The following PCDHA8 variants were observed in gnomAD, a reference collection of about 807,000 sequenced individuals.
The protein encoded by PCDHA8 is protocadherin alpha-8.
PCDHA8 carries 53 observed loss-of-function variants against 61.8 expected under a neutral mutation model. The ratio of observed to expected loss-of-function variants is 0.86; its 90% CI spans 0.69 to 1.08. The LOEUF (loss-of-function observed/expected upper bound fraction) is 1.08, where lower values mean the gene tolerates loss of function less well. Ranked by LOEUF, PCDHA8 falls within the 50% of genes least tolerant of loss-of-function variation. PCDHA8 has a pLI of 0.00. For missense variants in PCDHA8, 1,293 were observed against 1,245.0 expected, an observed-to-expected ratio of 1.04 and a Z score of -0.58; for synonymous variants, 618 against 556.6, an observed-to-expected ratio of 1.11 and a Z score of -1.55.
At chr5:140,870,390 G>T (rs377600629) in intron 1 of PCDHA8, 248 of 1,614,112 alleles carry the variant, frequency 1.5e-4, no homozygotes, top group Non-Finnish European at 1.8e-4. Context: ...CGCGGGATGG[G>T]GGTTCGCCTT....
At position 140,917,487 on chromosome 5, in the gene PCDHA8, A is replaced by T. The variant is rs1303002890; in HGVS notation, c.2395-61462A>T. Among the ~76,000 whole-genome samples, 3 of 152,232 alleles carry T rather than the reference A, an allele frequency of 2.0e-5. No individual in the cohort carries two copies. The East Asian group carries it at 5.8e-4, about 29-fold the overall frequency. The stretch of plus-strand genomic sequence containing the variant: ...TGTCATGAAATCTTTGCCAGGGCCT[A>T]TGCCCAGAATGATATTTTCTAGGTT... On this transcript the variant is annotated intron_variant, in intron 1 of 3. Coordinates refer to ENST00000531613, the MANE Select transcript of PCDHA8 (RefSeq NM_018911.3).
chr5:140,911,583 G>C (rs1245667621), intron 1 of PCDHA8, among the ~76,000 whole-genome samples: 4 of 152,150 alleles, frequency 2.6e-5, no homozygotes, highest in African/African-American at 7.2e-5. Context: ...GTGAACTTAG[G>C]AGGAACCAAC....
intron 1 of PCDHA8, among the ~76,000 whole-genome samples, chr5:140,888,286 C>T (rs1277980750): frequency 6.6e-6 from 1 of 152,080 alleles, no homozygotes; most frequent in African/African-American, 2.4e-5. Context: ...TCCCCTCTAC[C>T]CCCTACCCAG....
chr5:140,904,926 A>G (rs1459530811), intron 1 of PCDHA8, among the ~76,000 whole-genome samples: 1 of 152,130 alleles, frequency 6.6e-6, no homozygotes, highest in Admixed American at 6.5e-5. Context: ...ACTTCCTTGT[A>G]GGTTCTGGAT....
At chr5:141,009,391 C>T (rs1006846075) in intron 3 of PCDHA8, among the ~76,000 whole-genome samples, 1 of 152,086 alleles carries the variant, frequency 6.6e-6, no homozygotes, top group Non-Finnish European at 1.5e-5. Context: ...CACAGGAGGT[C>T]GAGGCTGCAG....
intron 1 of PCDHA8, among the ~76,000 whole-genome samples, chr5:140,977,234 A>G (rs2096751203): frequency 1.3e-5 from 2 of 152,242 alleles, no homozygotes; most frequent in Non-Finnish European, 2.9e-5. Flanking sequence ...CCAATCATAG[A>G]AAAATTGGCA....
At chr5:140,881,277 A>G (rs1370714709) in intron 1 of PCDHA8, 5 of 731,680 alleles carry the variant, frequency 6.8e-6, no homozygotes, top group Non-Finnish European at 8.4e-6. Flanking sequence ...ATGAAGTAAG[A>G]TGGAGAGAGA....
At position 140,850,808 on chromosome 5, in the gene PCDHA8, C is replaced by T. The variant is rs2150499098; in HGVS notation, c.2394+7093C>T. 20 of 1,598,280 alleles carry T rather than the reference C, an allele frequency of 1.3e-5. No homozygotes were observed. The South Asian group carries it at 2.2e-4, about 18-fold the overall frequency. On this transcript the variant is annotated intron_variant, in intron 1 of 3. Transcript: ENST00000531613. The stretch of plus-strand genomic sequence containing the variant: ...GTAAGCAGAAGACCGACCTCATGGC[C>T]TTCAGCCCGGGCCTTTCTCCTTGTG...
chr5:140,841,399 G>A lies in PCDHA8; in HGVS notation c.78G>A (p.Val26=). 1 of 1,613,120 alleles carries A rather than the reference G, an allele frequency of 6.2e-7. No individual in the cohort carries two copies. The highest frequency in any genetic ancestry group is 8.5e-7 in the Non-Finnish European group (1 of 1,179,824). Residue 26 remains valine (V), a synonymous_variant, in exon 1 of 4, where the codon GTG becomes GTA. Coordinates refer to ENST00000531613, the MANE Select transcript of PCDHA8 (RefSeq NM_018911.3). The part of the protein sequence containing the change: ...LLLLLLAAWK[V]GSGQLHYSVP... ...TTCTGCTCCTCGCAGCCTGGAAGGT[G>A]GGGAGCGGCCAGCTCCACTACTCCG...
intron 1 of PCDHA8, among the ~76,000 whole-genome samples, chr5:140,898,794 T>G (rs1487494121): frequency 1.3e-5 from 2 of 152,236 alleles, no homozygotes; most frequent in East Asian, 3.8e-4. Flanking sequence ...ATGGCCATTT[T>G]CACGATACTG....
chr5:140,952,857 G>T (rs2094808262), intron 1 of PCDHA8, among the ~76,000 whole-genome samples: 1 of 152,120 alleles, frequency 6.6e-6, no homozygotes, highest in Non-Finnish European at 1.5e-5. Context: ...TTCTGGGGAG[G>T]CCTCAGGAAA....
chr5:140,901,148 CA>C (rs1244292469), intron 1 of PCDHA8, among the ~76,000 whole-genome samples: 17 of 152,076 alleles, frequency 1.1e-4, no homozygotes, highest in Non-Finnish European at 2.4e-4. Context: ...TATTTTCTCT[CA>C]ATCTGTGGGT....
At chr5:140,877,653 C>A in intron 1 of PCDHA8, 1 of 1,613,522 alleles carries the variant, frequency 6.2e-7, no homozygotes, top group Non-Finnish European at 8.5e-7. Flanking sequence ...CAGCGCCGCC[C>A]ACCGTGAGCC....
At chr5:140,877,811 GAGA>G in intron 1 of PCDHA8, 1 of 1,610,242 alleles carries the variant, frequency 6.2e-7, no homozygotes, top group African/African-American at 1.3e-5. Flanking sequence ...CAGCTGTCTC[GAGA>G]AGATTGTTTA....
chr5:140,876,827 C>A, intron 1 of PCDHA8: 3 of 1,614,182 alleles, frequency 1.9e-6, no homozygotes, highest in South Asian at 1.1e-5. Context: ...AACGACAATG[C>A]GCCTGCGTTC....
At chr5:140,857,171 G>A in intron 1 of PCDHA8, 1 of 1,598,424 alleles carries the variant, frequency 6.3e-7, no homozygotes, top group South Asian at 1.1e-5. Flanking sequence ...CAGCGTTTCT[G>A]ACCATGATTC....
chr5:140,879,889 C>T (rs897508016), intron 1 of PCDHA8, among the ~76,000 whole-genome samples: 3 of 152,200 alleles, frequency 2.0e-5, no homozygotes, highest in Non-Finnish European at 4.4e-5. Context: ...GCCTCCTCCT[C>T]TCCATGTCTC....
chr5:140,863,082 G>A (rs1424614073), intron 1 of PCDHA8: 2 of 572,800 alleles, frequency 3.5e-6, no homozygotes, highest in Non-Finnish European at 6.9e-6. Flanking sequence ...GCACGGGCGA[G>A]ATCAGCACGA....
At chr5:140,911,312 T>C (rs2075424091) in intron 1 of PCDHA8, among the ~76,000 whole-genome samples, 1 of 152,154 alleles carries the variant, frequency 6.6e-6, no homozygotes, top group African/African-American at 2.4e-5. Context: ...CCATTCCAAG[T>C]TTCAGGATCC....
Sources: gnomAD v4.1 joint callset for allele counts (sites outside exome capture counted in the v4.1 genomes callset) on GRCh38, gnomAD v4.1.1 for gene constraint, MANE v1.5 for transcripts, NCBI Gene and HGNC (gene_info 2026-07-23, HGNC 2026-07-21) for gene names.